The following PKNOX2 variants were observed in gnomAD, a reference collection of about 807,000 sequenced individuals.
PKNOX2 encodes the protein homeobox protein PKNOX2.
Under a neutral mutation model 53.1 loss-of-function variants are expected in PKNOX2, and 14 were observed. The observed-to-expected ratio is 0.26, with a 90% confidence interval of 0.17 to 0.41. The LOEUF (loss-of-function observed/expected upper bound fraction) is 0.41, where lower values mean the gene tolerates loss of function less well. PKNOX2 is among the 10% of genes least tolerant of loss of function. The probability of loss-of-function intolerance (pLI) is 1.00; values close to 1 mark genes in which losing one functional copy is unlikely to be tolerated. For synonymous variants in PKNOX2, 257 were observed against 242.8 expected (o/e 1.06, Z -0.54); for missense variants, 496 against 602.8 (o/e 0.82, Z 1.85).
intron 1 of PKNOX2, among the ~76,000 whole-genome samples, chr11:125,191,695 G>A (rs569596711): frequency 1.2e-4 from 19 of 152,212 alleles, no homozygotes; most frequent in African/African-American, 4.1e-4. Flanking sequence ...GAGTGGAGGT[G>A]GCCAGCTCAG....
intron 4 of PKNOX2, among the ~76,000 whole-genome samples, chr11:125,358,713 T>C (rs1223288280): frequency 6.6e-6 from 1 of 152,230 alleles, no homozygotes; most frequent in Non-Finnish European, 1.5e-5. Flanking sequence ...TTCCTCTCCC[T>C]GGGCTAACTG....
At chr11:125,323,670 A>G (rs1435231570) in intron 2 of PKNOX2, among the ~76,000 whole-genome samples, 3 of 152,194 alleles carry the variant, frequency 2.0e-5, no homozygotes, top group African/African-American at 7.2e-5. Context: ...TGTGGGGAAA[A>G]TCGCAATTTC....
chr11:125,234,648 C>T (rs1942514716), intron 1 of PKNOX2, among the ~76,000 whole-genome samples: 2 of 152,192 alleles, frequency 1.3e-5, no homozygotes, highest in African/African-American at 4.8e-5. Context: ...GACCCTTCTG[C>T]TCTGTTCCCC....
At chr11:125,394,133 GTAT>G (rs1327635753) in intron 6 of PKNOX2, among the ~76,000 whole-genome samples, 1 of 152,156 alleles carries the variant, frequency 6.6e-6, no homozygotes, top group East Asian at 1.9e-4. Context: ...AAACGTTTGG[GTAT>G]TATTAACAAT....
intron 5 of PKNOX2, among the ~76,000 whole-genome samples, chr11:125,375,620 A>T (rs1952788693): frequency 6.6e-6 from 1 of 152,234 alleles, no homozygotes; most frequent in African/African-American, 2.4e-5. Flanking sequence ...TGCAATAAGC[A>T]CATATAAGAG....
chr11:125,226,019 CT>C (rs1308167495), intron 1 of PKNOX2, among the ~76,000 whole-genome samples: 1 of 152,260 alleles, frequency 6.6e-6, no homozygotes, highest in African/African-American at 2.4e-5. Flanking sequence ...GGTGTGGCAA[CT>C]TGCCTCCTCC....
At chr11:125,180,028 A>C (rs1045182681) in intron 1 of PKNOX2, among the ~76,000 whole-genome samples, 1 of 152,096 alleles carries the variant, frequency 6.6e-6, no homozygotes, top group Non-Finnish European at 1.5e-5. Context: ...CACTACACGC[A>C]CACGGGCCTT....
intron 1 of PKNOX2, among the ~76,000 whole-genome samples, chr11:125,185,537 T>C (rs1270746132): frequency 6.6e-6 from 1 of 151,712 alleles, no homozygotes; most frequent in Non-Finnish European, 1.5e-5. Context: ...CCTGGTAACC[T>C]CTCATCCACT....
chr11:125,382,865 C>G (rs533254931), intron 5 of PKNOX2, among the ~76,000 whole-genome samples: 2 of 152,344 alleles, frequency 1.3e-5, no homozygotes, highest in East Asian at 3.9e-4. Context: ...TACCAGCTTC[C>G]CGGTAGATCT....
intron 1 of PKNOX2, among the ~76,000 whole-genome samples, chr11:125,186,327 C>T (rs1383569401): frequency 6.6e-6 from 1 of 152,108 alleles, no homozygotes; most frequent in Non-Finnish European, 1.5e-5. Flanking sequence ...GTATTTTCTC[C>T]CATTCTGGAG....
At chr11:125,223,758 T>C (rs1427565477) in intron 1 of PKNOX2, among the ~76,000 whole-genome samples, 1 of 152,234 alleles carries the variant, frequency 6.6e-6, no homozygotes, top group Non-Finnish European at 1.5e-5. Flanking sequence ...ATTTTTATAC[T>C]ACGTTGGATC....
chr11:125,381,643 A>G (rs1170427553), intron 5 of PKNOX2, among the ~76,000 whole-genome samples: 2 of 151,722 alleles, frequency 1.3e-5, no homozygotes, highest in East Asian at 1.9e-4. Flanking sequence ...GTATGTGACA[A>G]TGCCTCCCAC....
intron 6 of PKNOX2, among the ~76,000 whole-genome samples, chr11:125,391,149 C>T (rs1159608937): frequency 6.6e-6 from 1 of 152,170 alleles, no homozygotes; most frequent in African/African-American, 2.4e-5. Flanking sequence ...AAGGAATGTG[C>T]CTGCAAAACA....
chr11:125,241,420 G>A (rs563999838), intron 2 of PKNOX2, among the ~76,000 whole-genome samples: 74 of 152,246 alleles, frequency 4.9e-4, no homozygotes, highest in African/African-American at 1.5e-3. Flanking sequence ...ATGCTGCTGC[G>A]TTCCTTTGCC....
At chr11:125,343,341 C>T (rs946049601) in intron 3 of PKNOX2, among the ~76,000 whole-genome samples, 9 of 152,252 alleles carry the variant, frequency 5.9e-5, no homozygotes, top group Non-Finnish European at 1.2e-4. Flanking sequence ...ACACCACTTC[C>T]GTGAGCAGAA....
At chr11:125,350,943 A>G (rs1481144871) in intron 3 of PKNOX2, among the ~76,000 whole-genome samples, 1 of 152,130 alleles carries the variant, frequency 6.6e-6, no homozygotes, top group Non-Finnish European at 1.5e-5. Context: ...AATGGCCTCC[A>G]GTCCCCCGGT....
intron 5 of PKNOX2, among the ~76,000 whole-genome samples, chr11:125,371,258 TTGTGGC>T (rs1952525591): frequency 2.0e-5 from 3 of 152,100 alleles, no homozygotes; most frequent in African/African-American, 4.8e-5. Context: ...GTAATTGTGT[TTGTGGC>T]CCAGGAGCAG....
At chr11:125,409,036 G>A (rs994671507) in intron 7 of PKNOX2, among the ~76,000 whole-genome samples, 1 of 152,212 alleles carries the variant, frequency 6.6e-6, no homozygotes, top group Non-Finnish European at 1.5e-5. Context: ...CATTGGACCT[G>A]TTAACTGGTT....
chr11:125,175,231 G>C lies in PKNOX2; in HGVS notation c.-201+10455G>C, dbSNP rs544640222. The stretch of plus-strand genomic sequence containing the variant: ...GAGAAGGAAGGAAGGAAGGAAGGAA[G>C]GAAGGAAGGAAGGAAGGAAAGAAGG... On this transcript the variant is annotated intron_variant, in intron 1 of 12. Coordinates refer to ENST00000298282, the MANE Select transcript of PKNOX2 (RefSeq NM_001382323.2). Among the ~76,000 whole-genome samples, 12 of 149,312 alleles carry C rather than the reference G, an allele frequency of 8.0e-5. No individual in the cohort carries two copies. The East Asian group carries it at 2.3e-3, about 29-fold the overall frequency.
Sources: allele counts gnomAD v4.1 joint callset (sites outside exome capture counted in the v4.1 genomes callset), GRCh38; gene constraint gnomAD v4.1.1; transcripts MANE v1.5; gene names NCBI Gene and HGNC (gene_info 2026-07-23, HGNC 2026-07-21).